Variants in GFPT1 observed in about 807,000 individuals in gnomAD.
The protein encoded by GFPT1 is glutamine--fructose-6-phosphate transaminase 1.
In GFPT1, 40 loss-of-function variants were observed where a neutral mutation model predicts 92.0. The ratio of observed to expected loss-of-function variants is 0.43; its 90% CI spans 0.34 to 0.57. GFPT1 has a LOEUF of 0.57. Ranked by LOEUF, GFPT1 falls within the 20% of genes least tolerant of loss-of-function variation. The pLI is 0.02. For synonymous variants in GFPT1, 269 were observed against 280.6 expected, an observed-to-expected ratio of 0.96 and a Z score of 0.41; for missense variants, 448 against 869.1, an observed-to-expected ratio of 0.52 and a Z score of 6.09.
At chr2:69,348,404 G>C (rs572497524) in intron 10 of GFPT1, 70 bp from the exon 11 acceptor site, 1 of 1,256,640 alleles carries the variant, frequency 8.0e-7, no homozygotes, top group East Asian at 2.3e-5. Context: ...ACTATCATTT[G>C]GATACAAGAA....
intron 2 of GFPT1, among the ~76,000 whole-genome samples, chr2:69,370,432 T>C (rs1197180642): frequency 2.0e-5 from 3 of 152,164 alleles, no homozygotes; most frequent in South Asian, 2.1e-4. Context: ...ATGCAAAAGA[T>C]GGGCACCCAC....
At chr2:69,350,752 A>T (rs1294938538) in intron 9 of GFPT1, among the ~76,000 whole-genome samples, 1 of 151,958 alleles carries the variant, frequency 6.6e-6, no homozygotes, top group African/African-American at 2.4e-5. Context: ...AAAATACAAA[A>T]ATTGGCCAGA....
chr2:69,364,461 C>A (rs969190629), intron 3 of GFPT1, among the ~76,000 whole-genome samples: 2 of 152,292 alleles, frequency 1.3e-5, no homozygotes, highest in Admixed American at 6.5e-5. Flanking sequence ...ATATTTAATT[C>A]TTGCCTTAAA....
intron 11 of GFPT1, among the ~76,000 whole-genome samples, chr2:69,347,226 T>TTGG (rs1558748342): frequency 6.6e-6 from 1 of 150,726 alleles, no homozygotes; most frequent in Admixed American, 6.6e-5. Flanking sequence ...TTTTTTTTAG[T>TTGG]TTGTAGTAGA....
intron 2 of GFPT1, 60 bp downstream of exon 2, chr2:69,373,946 A>G: frequency 1.2e-6 from 1 of 826,226 alleles, no homozygotes; most frequent in Non-Finnish European, 2.1e-6. Flanking sequence ...TCCTAATAAC[A>G]ATAAAAATAG....
intron 18 of GFPT1, 32 bp from the exon 19 acceptor site, chr2:69,327,107 T>C: frequency 6.2e-7 from 1 of 1,608,310 alleles, no homozygotes; most frequent in Non-Finnish European, 8.5e-7. Context: ...ATACACAACA[T>C]CACTGGTGGG....
At chr2:69,335,216 C>T (rs944111508) in intron 15 of GFPT1, among the ~76,000 whole-genome samples, 32 of 151,916 alleles carry the variant, frequency 2.1e-4, no homozygotes, top group Non-Finnish European at 1.0e-4. Context: ...TCTGATGCCT[C>T]GGCTGGTCTT....
intron 1 of GFPT1, among the ~76,000 whole-genome samples, chr2:69,375,884 G>A (rs993027637): frequency 2.0e-5 from 3 of 152,202 alleles, no homozygotes; most frequent in African/African-American, 7.2e-5. Flanking sequence ...GGTAAGAGTG[G>A]TAGCGGCACA....
At position 69,329,428 on chromosome 2, in the gene GFPT1, A is replaced by T; in HGVS notation, c.1598-4T>A. 1 of 1,598,018 alleles carries T rather than the reference A, an allele frequency of 6.3e-7. No homozygotes were observed. Among genetic ancestry groups the T allele is most frequent in the Non-Finnish European group, 8.6e-7 (1 of 1,165,612 alleles). On this transcript the variant is annotated splice_region_variant and splice_polypyrimidine_tract_variant and intron_variant, in intron 16 of 19. Coordinates refer to ENST00000357308, the MANE Select transcript of GFPT1 (RefSeq NM_001244710.2). The stretch of plus-strand genomic sequence containing the variant: ...CTCAGTACTTCCTTAATCAAATCTA[A>T]GAAGTAATATTAGCAAAAAAGGACA...
At chr2:69,336,253 C>T (rs1156333096) in intron 15 of GFPT1, among the ~76,000 whole-genome samples, 2 of 149,072 alleles carry the variant, frequency 1.3e-5, no homozygotes, top group East Asian at 2.0e-4. Flanking sequence ...GCAGGAGAAT[C>T]GCTTGAACCC....
chr2:69,333,217 C>A (rs896629451), intron 15 of GFPT1, among the ~76,000 whole-genome samples: 1 of 152,114 alleles, frequency 6.6e-6, no homozygotes, highest in African/African-American at 2.4e-5. Flanking sequence ...ATCTTGGACC[C>A]CTGGAATACT....
chr2:69,378,400 A>G (rs1475728332), intron 1 of GFPT1, among the ~76,000 whole-genome samples: 3 of 152,252 alleles, frequency 2.0e-5, no homozygotes, highest in Admixed American at 1.3e-4. Flanking sequence ...GAGCACACAC[A>G]GTAGCTGTAT....
intron 3 of GFPT1, among the ~76,000 whole-genome samples, chr2:69,365,744 C>A (rs547719631): frequency 1.1e-4 from 17 of 152,186 alleles, no homozygotes; most frequent in Admixed American, 1.0e-3. Context: ...TAAATGACCT[C>A]AAGAAAAATA....
chr2:69,332,208 T>A (rs983889032), intron 15 of GFPT1, among the ~76,000 whole-genome samples: 9 of 152,272 alleles, frequency 5.9e-5, no homozygotes, highest in Non-Finnish European at 1.2e-4. Context: ...CAATTTGTGC[T>A]AGGAATTTAA....
intron 14 of GFPT1, 95 bp from the exon 15 acceptor site, chr2:69,338,150 A>C: frequency 9.2e-7 from 1 of 1,092,390 alleles, no homozygotes; most frequent in Non-Finnish European, 1.4e-6. Flanking sequence ...TTTCAACAAT[A>C]TTACTTGTTT....
At position 69,321,185 on chromosome 2, in the gene GFPT1, C is replaced by T. The variant is rs560585699; in HGVS notation, c.*5004G>A. On this transcript the variant is annotated 3_prime_UTR_variant, in exon 20 of 20. Coordinates refer to ENST00000357308, the MANE Select transcript of GFPT1 (RefSeq NM_001244710.2). ...ACTTAAAAGTTTTAATCATTGCATA[C>T]CCCGTAAACTTCCTATAAACAATAT... 2.0e-5 allele frequency: 3 copies of T among 152,230 alleles called. No homozygotes were observed. In the East Asian group the frequency reaches 5.8e-4, roughly 29 times the overall value. 9.4% of individuals were successfully genotyped at this position (152,230 alleles called of 1,614,324 possible). A position where few individuals can be genotyped will look rare whatever the true frequency, so the allele number is the denominator to read the frequency against.
chr2:69,353,887 A>G (rs1671271484), intron 9 of GFPT1, among the ~76,000 whole-genome samples: 1 of 152,270 alleles, frequency 6.6e-6, no homozygotes, highest in Admixed American at 6.5e-5. Context: ...ATTTCAGTTA[A>G]AAGTTAGCCT....
intron 13 of GFPT1, among the ~76,000 whole-genome samples, chr2:69,341,362 A>C (rs1670948679): frequency 6.6e-6 from 1 of 152,168 alleles, no homozygotes; most frequent in Non-Finnish European, 1.5e-5. Context: ...TAGTCTTAGA[A>C]AAGAGCAAAG....
chr2:69,356,242 C>A (rs374154884), intron 7 of GFPT1, among the ~76,000 whole-genome samples: 1 of 152,168 alleles, frequency 6.6e-6, no homozygotes, highest in East Asian at 1.9e-4. Flanking sequence ...GATCCGCCTG[C>A]CTCGACCTCC....
Sources: allele counts gnomAD v4.1 joint callset (sites outside exome capture counted in the v4.1 genomes callset), GRCh38; gene constraint gnomAD v4.1.1; transcripts MANE v1.5; gene names NCBI Gene and HGNC (gene_info 2026-07-23, HGNC 2026-07-21).